TMEM150C: variants seen among roughly 807,000 people sequenced by gnomAD.
TMEM150C encodes tentonin 3.
A neutral mutation model predicts 29.9 loss-of-function variants in TMEM150C; 10 were observed. The observed-to-expected ratio is 0.33, with a 90% CI of 0.21 to 0.57. TMEM150C has a LOEUF of 0.57. TMEM150C is among the 20% of genes least tolerant of loss of function. The probability of loss-of-function intolerance (pLI) is 0.88; values close to 1 mark genes in which losing one functional copy is unlikely to be tolerated. For missense variants in TMEM150C, 251 were observed against 303.6 expected (o/e 0.83, Z 1.29); for synonymous variants, 101 against 112.5 (o/e 0.90, Z 0.64).
chr4:82,529,676 T>C (rs1328629174), intron 1 of TMEM150C, among the ~76,000 whole-genome samples: 1 of 152,156 alleles, frequency 6.6e-6, no homozygotes, highest in Non-Finnish European at 1.5e-5. Flanking sequence ...GATTGGCTAG[T>C]GAGTCGATCA....
intron 1 of TMEM150C, among the ~76,000 whole-genome samples, chr4:82,551,379 C>T (rs1050769738): frequency 6.6e-6 from 1 of 152,198 alleles, no homozygotes; most frequent in South Asian, 2.1e-4. Context: ...GCTCTATCAC[C>T]AATACCTAGA....
chr4:82,553,596 C>T (rs189122137), intron 1 of TMEM150C, among the ~76,000 whole-genome samples: 26 of 152,072 alleles, frequency 1.7e-4, no homozygotes, highest in African/African-American at 6.0e-4. Context: ...TTTCCCATTT[C>T]GATAAAATAA....
chr4:82,503,723 G>A (rs138100134), intron 2 of TMEM150C, among the ~76,000 whole-genome samples: 2,955 of 152,088 alleles, frequency 0.019, 100 homozygotes, highest in African/African-American at 0.068. Flanking sequence ...GGTGGTGGGC[G>A]CCTGTAGTCC....
In TMEM150C at chr4:82,502,773, A is replaced by C. The variant is rs760676583; in HGVS notation, c.189T>G (p.Pro63=). Residue 63 remains proline, a synonymous_variant, in exon 5 of 8, where the codon CCT becomes CCG. Coordinates refer to ENST00000449862, the MANE Select transcript of TMEM150C (RefSeq NM_001080506.3). ...PYISIAGDDP[P]ASCVFSQVMN... is the part of the protein sequence containing the mutation. The stretch of plus-strand genomic sequence containing the variant: ...TAACTTGACTAAACACACAGCTTGC[A>C]GGAGGATCATCACCTGCAATGCTTG... 5.0e-6 allele frequency: 8 copies of C among 1,608,270 alleles called. No homozygotes were observed. The highest frequency in any genetic ancestry group is 4.2e-6 in the Non-Finnish European group (5 of 1,177,174).
intron 1 of TMEM150C, among the ~76,000 whole-genome samples, chr4:82,542,359 G>A (rs1725226967): frequency 1.3e-5 from 2 of 152,182 alleles, no homozygotes; most frequent in African/African-American, 2.4e-5. Context: ...ACATAAGCGA[G>A]GAACTGGAAG....
chr4:82,543,612 C>T (rs1725263378), intron 1 of TMEM150C, among the ~76,000 whole-genome samples: 1 of 152,190 alleles, frequency 6.6e-6, no homozygotes, highest in South Asian at 2.1e-4. Context: ...ATGAAGACAA[C>T]ATTGAATGAA....
At position 82,485,604 on chromosome 4, in the gene TMEM150C, G is replaced by A; in HGVS notation, c.657C>T (p.Arg219=). The change falls in exon 8 of 8, where the codon CGC becomes CGT. Residue 219 remains arginine (R), a synonymous_variant. Transcript: ENST00000449862. ...GGTACTCAGAGCAAACAATCTCATAGCGGTAATGCCGGAACTCCACGGCAA... is the reference window on the plus strand; with the variant it reads ...GGTACTCAGAGCAAACAATCTCATAACGGTAATGCCGGAACTCCACGGCAA... ...GTFAVEFRHY[R]YEIVCSEYQE... 2 of 1,611,192 alleles carry A rather than the reference G, an allele frequency of 1.2e-6. No homozygotes were observed. Among genetic ancestry groups the A allele is most frequent in the Non-Finnish European group, 1.7e-6 (2 of 1,178,722 alleles).
intron 1 of TMEM150C, among the ~76,000 whole-genome samples, chr4:82,514,428 A>G (rs1724227350): frequency 6.6e-6 from 1 of 152,256 alleles, no homozygotes; most frequent in Non-Finnish European, 1.5e-5. Context: ...ATCAGGAACC[A>G]TGTTGGAACG....
In TMEM150C at chr4:82,510,203, C is replaced by T. The variant is rs1000887128; in HGVS notation, c.-10-5536G>A. ...CTGAGGCAGGAGAATCGCTTGAACC[C>T]GGGAGGCGGAGGTTGCAGTGAGCCG... On this transcript the variant is annotated intron_variant, in intron 1 of 7. Coordinates refer to ENST00000449862, the MANE Select transcript of TMEM150C (RefSeq NM_001080506.3). 5.9e-5 allele frequency among the ~76,000 whole-genome samples: 9 copies of T among 151,988 alleles called. No homozygotes were observed. The East Asian group carries it at 1.5e-3, about 26-fold the overall frequency.
intron 6 of TMEM150C, among the ~76,000 whole-genome samples, chr4:82,492,551 T>C (rs907430738): frequency 5.9e-5 from 9 of 152,110 alleles, no homozygotes; most frequent in African/African-American, 2.2e-4. Context: ...TGAAGATTCA[T>C]ACTCAAGGCT....
At position 82,551,761 on chromosome 4, in the gene TMEM150C, T is replaced by G. The variant is rs140880897; in HGVS notation, c.-11+10145A>C. 2.0e-3 allele frequency among the ~76,000 whole-genome samples: 309 copies of G among 152,288 alleles called. 1 individual carries two copies. The highest frequency in any genetic ancestry group is 7.1e-3 in the African/African-American group (297 of 41,568). ...ACCCTAGGATGCCTCTCAATTAGCA[T>G]GCTTACCCCACTGTATGGTAACTGT... is the stretch of plus-strand genomic sequence containing the variant. On this transcript the variant is annotated intron_variant, in intron 1 of 7. Transcript: ENST00000449862.
chr4:82,518,555 G>A (rs1578137539), intron 1 of TMEM150C, among the ~76,000 whole-genome samples: 3 of 152,292 alleles, frequency 2.0e-5, no homozygotes, highest in South Asian at 2.1e-4. Context: ...TGGATCATAC[G>A]TTGACACCAT....
chr4:82,552,682 G>T (rs968856496), intron 1 of TMEM150C, among the ~76,000 whole-genome samples: 1 of 152,210 alleles, frequency 6.6e-6, no homozygotes, highest in East Asian at 1.9e-4. Context: ...CCCACCCAGA[G>T]ATTCTGATTT....
intron 5 of TMEM150C, among the ~76,000 whole-genome samples, chr4:82,497,321 G>C (rs1723589068): frequency 1.3e-5 from 2 of 152,078 alleles, no homozygotes; most frequent in African/African-American, 4.8e-5. Context: ...AGGTTCAGCA[G>C]GAAAGACAAT....
At chr4:82,546,625 G>A (rs1469514333) in intron 1 of TMEM150C, among the ~76,000 whole-genome samples, 2 of 151,988 alleles carry the variant, frequency 1.3e-5, no homozygotes, top group Non-Finnish European at 2.9e-5. Flanking sequence ...CCAGGAGATC[G>A]AGACCATCTT....
intron 1 of TMEM150C, among the ~76,000 whole-genome samples, chr4:82,531,462 G>C (rs1417135660): frequency 6.6e-6 from 1 of 152,040 alleles, no homozygotes; most frequent in African/African-American, 2.4e-5. Context: ...GGCTGAAAAA[G>C]TGGTCATAGA....
chr4:82,492,514 A>G (rs891456732), intron 6 of TMEM150C, among the ~76,000 whole-genome samples: 1 of 152,120 alleles, frequency 6.6e-6, no homozygotes, highest in Non-Finnish European at 1.5e-5. Flanking sequence ...TGCCACATAT[A>G]GAGACCCATA....
chr4:82,491,406 G>T, intron 6 of TMEM150C: 1 of 652,848 alleles, frequency 1.5e-6, no homozygotes, highest in South Asian at 1.7e-5. Context: ...ACTTACAGAG[G>T]TTAATTGCAG....
Position 82,484,362 on chromosome 4 carries a change from ATT to A in TMEM150C, c.*1147_*1148del, listed in dbSNP as rs1245958537. 6.6e-6 allele frequency: 1 copy of A among 150,940 alleles called. No homozygotes were observed. Among genetic ancestry groups the A allele is most frequent in the Non-Finnish European group, 1.5e-5 (1 of 67,858 alleles). 9.4% of individuals were successfully genotyped at this position (150,940 alleles called of 1,614,324 possible). ...TGTCAATTTGGTTTTTAGGAAGGGT[ATT>A]CTTTTAATTGGCTTCTACAAATTCC... On this transcript the variant is annotated 3_prime_UTR_variant, in exon 8 of 8. Coordinates refer to ENST00000449862, the MANE Select transcript of TMEM150C (RefSeq NM_001080506.3).
Sources: allele counts gnomAD v4.1 joint callset (sites outside exome capture counted in the v4.1 genomes callset), GRCh38; gene constraint gnomAD v4.1.1; transcripts MANE v1.5; gene names NCBI Gene and HGNC (gene_info 2026-07-23, HGNC 2026-07-21).